Variants in UNC5D observed in about 807,000 individuals in gnomAD.
The protein encoded by UNC5D is netrin receptor UNC5D.
A neutral mutation model predicts 105.4 loss-of-function variants in UNC5D; 39 were observed. That is an observed-to-expected ratio of 0.37 (90% CI 0.29 to 0.48). UNC5D has a LOEUF of 0.48. UNC5D is among the 20% of genes least tolerant of loss of function. The pLI, the probability that UNC5D is intolerant of heterozygous loss-of-function variation, is 0.98. For synonymous variants in UNC5D, 452 were observed against 450.4 expected (o/e 1.00, Z -0.04); for missense variants, 991 against 1,202.4 (o/e 0.82, Z 2.60).
chr8:35,604,184 G>T (rs1244616884), intron 4 of UNC5D, among the ~76,000 whole-genome samples: 1 of 152,130 alleles, frequency 6.6e-6, no homozygotes, highest in Non-Finnish European at 1.5e-5. Context: ...GCTGGTACCG[G>T]TTGTTCCTTT....
intron 1 of UNC5D, among the ~76,000 whole-genome samples, chr8:35,468,800 C>A (rs1809496771): frequency 6.6e-6 from 1 of 152,136 alleles, no homozygotes; most frequent in Admixed American, 6.6e-5. Context: ...CACCTCCTGG[C>A]AAAGAAGGTG....
chr8:35,586,405 GC>G (rs1563561956), intron 3 of UNC5D, among the ~76,000 whole-genome samples: 1 of 151,988 alleles, frequency 6.6e-6, no homozygotes, highest in Non-Finnish European at 1.5e-5. Context: ...CTAACAGAAA[GC>G]CTTTTATGTG....
chr8:35,352,492 T>G (rs1183225210), intron 1 of UNC5D, among the ~76,000 whole-genome samples: 1 of 152,186 alleles, frequency 6.6e-6, no homozygotes, highest in African/African-American at 2.4e-5. Context: ...TTATTTCCCT[T>G]TTTATTGCAC....
At chr8:35,278,380 T>G (rs1028259742) in intron 1 of UNC5D, among the ~76,000 whole-genome samples, 19 of 152,186 alleles carry the variant, frequency 1.2e-4, no homozygotes, top group African/African-American at 4.1e-4. Flanking sequence ...TTCCTCAGTC[T>G]GACTCCATCT....
At chr8:35,419,169 C>CAGTA (rs1180913326) in intron 1 of UNC5D, among the ~76,000 whole-genome samples, 1 of 152,182 alleles carries the variant, frequency 6.6e-6, no homozygotes, top group Non-Finnish European at 1.5e-5. Flanking sequence ...GACTGCCTTC[C>CAGTA]AGTAAGTATG....
intron 3 of UNC5D, among the ~76,000 whole-genome samples, chr8:35,586,253 G>A (rs1189057475): frequency 6.6e-6 from 1 of 152,172 alleles, no homozygotes; most frequent in Non-Finnish European, 1.5e-5. Context: ...CAGCCTAGGT[G>A]ACAAAGTGAG....
intron 1 of UNC5D, among the ~76,000 whole-genome samples, chr8:35,430,949 T>A (rs1806592779): frequency 6.6e-6 from 1 of 152,160 alleles, no homozygotes; most frequent in East Asian, 1.9e-4. Flanking sequence ...TGTCGTAGAA[T>A]GTTGAACATT....
intron 1 of UNC5D, among the ~76,000 whole-genome samples, chr8:35,467,532 A>G (rs1023816365): frequency 3.4e-5 from 5 of 148,844 alleles, no homozygotes; most frequent in African/African-American, 1.0e-4. Flanking sequence ...CAGAACCTTT[A>G]TATTTGAAAC....
chr8:35,279,455 G>T (rs867348109), intron 1 of UNC5D, among the ~76,000 whole-genome samples: 13 of 152,310 alleles, frequency 8.5e-5, no homozygotes, highest in Admixed American at 4.6e-4. Context: ...TAAATTCCAT[G>T]TGGGTGGCAA....
At chr8:35,749,916 G>A (rs962097473) in intron 12 of UNC5D, among the ~76,000 whole-genome samples, 1 of 147,734 alleles carries the variant, frequency 6.8e-6, no homozygotes, top group Non-Finnish European at 1.5e-5. Flanking sequence ...TCAGTGGAAT[G>A]AAAGAGGATA....
chr8:35,603,775 T>G (rs1820062924), intron 4 of UNC5D, among the ~76,000 whole-genome samples: 1 of 152,226 alleles, frequency 6.6e-6, no homozygotes, highest in Admixed American at 6.5e-5. Context: ...TCTTGTTGAA[T>G]TGATCCCTTT....
At chr8:35,766,600 G>T (rs1228382779) in intron 14 of UNC5D, among the ~76,000 whole-genome samples, 1 of 152,162 alleles carries the variant, frequency 6.6e-6, no homozygotes, top group Non-Finnish European at 1.5e-5. Flanking sequence ...GATAATTTTT[G>T]ATGGTATTCT....
At chr8:35,410,545 G>A (rs1228115728) in intron 1 of UNC5D, among the ~76,000 whole-genome samples, 4 of 151,918 alleles carry the variant, frequency 2.6e-5, no homozygotes, top group Non-Finnish European at 4.4e-5. Context: ...TTGGTATTGT[G>A]GAATAGAAAG....
intron 1 of UNC5D, among the ~76,000 whole-genome samples, chr8:35,370,311 G>A (rs951305390): frequency 6.6e-6 from 1 of 152,176 alleles, no homozygotes; most frequent in African/African-American, 2.4e-5. Context: ...AAAAAATATA[G>A]TTTGTAGTAA....
At chr8:35,618,187 G>C (rs777579088) in intron 4 of UNC5D, among the ~76,000 whole-genome samples, 1 of 152,124 alleles carries the variant, frequency 6.6e-6, no homozygotes, top group African/African-American at 2.4e-5. Flanking sequence ...AGTCACTCTA[G>C]TTCATCAGTC....
At chr8:35,379,735 TA>T (rs1359427294) in intron 1 of UNC5D, among the ~76,000 whole-genome samples, 1 of 151,790 alleles carries the variant, frequency 6.6e-6, no homozygotes, top group African/African-American at 2.4e-5. Flanking sequence ...AAGCCAAAAT[TA>T]AGGTTCATAG....
At chr8:35,550,616 TA>T (rs1273768086) in intron 2 of UNC5D, among the ~76,000 whole-genome samples, 7 of 152,156 alleles carry the variant, frequency 4.6e-5, no homozygotes, top group Admixed American at 2.6e-4. Flanking sequence ...AAATAGCCCA[TA>T]GGGGTGAACT....
rs570659750 is a variant in UNC5D, at chr8:35,384,460, G to T, written c.103+148573G>T. On this transcript the variant is annotated intron_variant, in intron 1 of 16. Coordinates refer to ENST00000404895, the MANE Select transcript of UNC5D (RefSeq NM_080872.4). The stretch of plus-strand genomic sequence containing the variant: ...TCCTGCCCCCTTTAAATTGGAAGGG[G>T]TTTGTGTCTTTGAAGTCTTTGCTGA... Among the ~76,000 whole-genome samples, 6 of 152,222 alleles carry T rather than the reference G, an allele frequency of 3.9e-5. No homozygotes were observed. In the East Asian group the frequency reaches 1.2e-3, roughly 30 times the overall value.
chr8:35,702,297 A>G (rs1231563374), intron 7 of UNC5D, among the ~76,000 whole-genome samples: 1 of 152,186 alleles, frequency 6.6e-6, no homozygotes, highest in Non-Finnish European at 1.5e-5. Flanking sequence ...GAGACTAACT[A>G]AAATTGACCA....
Sources: gnomAD v4.1 joint callset for allele counts (sites outside exome capture counted in the v4.1 genomes callset) on GRCh38, gnomAD v4.1.1 for gene constraint, MANE v1.5 for transcripts, NCBI Gene and HGNC (gene_info 2026-07-23, HGNC 2026-07-21) for gene names.